Variants in HTR1D observed in about 807,000 individuals in gnomAD.
HTR1D encodes 5-HT-1D.
A neutral mutation model predicts 21.1 loss-of-function variants in HTR1D; 18 were observed. The observed-to-expected ratio is 0.85, with a 90% CI of 0.59 to 1.27. The LOEUF is 1.27. Ranked by LOEUF, HTR1D falls within the 50% of genes most tolerant of loss-of-function variation. HTR1D has a pLI of 0.00. For synonymous variants in HTR1D, 196 were observed against 204.4 expected, an observed-to-expected ratio of 0.96 and a Z score of 0.35; for missense variants, 456 against 481.4, an observed-to-expected ratio of 0.95 and a Z score of 0.49.
At chr1:23,203,057 G>A (rs756126584) in intron 1 of HTR1D, among the ~76,000 whole-genome samples, 65 of 151,950 alleles carry the variant, frequency 4.3e-4, no homozygotes, top group Non-Finnish European at 7.1e-4. Flanking sequence ...CGGCCACCAC[G>A]CCTGGCTAAT....
At chr1:23,213,574 C>T (rs1271208519) in intron 1 of HTR1D, among the ~76,000 whole-genome samples, 1 of 152,184 alleles carries the variant, frequency 6.6e-6, no homozygotes. Context: ...ACCTTTCACT[C>T]CCCTACACAT....
chr1:23,213,994 C>T (rs895792642), intron 1 of HTR1D, among the ~76,000 whole-genome samples: 2 of 152,220 alleles, frequency 1.3e-5, no homozygotes, highest in African/African-American at 4.8e-5. Context: ...TTGCCTACTG[C>T]TGGAAGTTCC....
intron 1 of HTR1D, among the ~76,000 whole-genome samples, chr1:23,204,692 G>A (rs570659224): frequency 3.9e-5 from 6 of 152,228 alleles, no homozygotes; most frequent in Admixed American, 3.3e-4. Flanking sequence ...AGTGCCAAAT[G>A]TAGTCCTCTA....
rs751289852 is a variant in HTR1D, at chr1:23,191,906, T to G, written c.*1180A>C. ...CCCAAAGACATTACTGGCCATGATG[T>G]CTCATGCTTTTTATTTGATAAGACT... On this transcript the variant is annotated 3_prime_UTR_variant, in exon 2 of 2. Coordinates refer to ENST00000374619, the MANE Select transcript of HTR1D (RefSeq NM_000864.5). 1 of 152,008 alleles carries G rather than the reference T, an allele frequency of 6.6e-6. No homozygotes were observed. The highest frequency in any genetic ancestry group is 2.4e-5 in the African/African-American group (1 of 41,358). The allele number at this position is 152,008 out of a possible 1,614,324, so 9.4% of individuals were successfully genotyped here. A position where few individuals can be genotyped will look rare whatever the true frequency, so the allele number is the denominator to read the frequency against.
Position 23,193,100 on chromosome 1 carries a change from G to C in HTR1D, c.1120C>G (p.Arg374Gly), listed in dbSNP as rs147605856. ...RQAFQKIVPF[R>G]KAS is the part of the protein sequence containing the mutation. ...ACCGAATAAGACTAGGAGGCCTTCC[G>C]GAAAGGGACAATTTTCTGAAAAGCT... is the stretch of plus-strand genomic sequence containing the variant. Residue 374 changes from arginine (R) to glycine (G), a missense_variant, in exon 2 of 2, where the codon CGG becomes GGG. By Grantham distance (125) the Arg-to-Gly change is moderately radical (BLOSUM62 -2). Transcript: ENST00000374619. 6.2e-7 allele frequency: 1 copy of C among 1,607,952 alleles called. No individual in the cohort carries two copies. Among genetic ancestry groups the C allele is most frequent in the East Asian group, 2.2e-5 (1 of 44,808 alleles).
chr1:23,194,081 C>A lies in HTR1D; in HGVS notation c.139G>T (p.Val47Phe). Reference sequence around the variant, plus strand: ...GAGAGGACTGTGGCCAGTGTGATGACGGAAAGGACCACGGCAAGGGAGATC... The same window carrying A: ...GAGAGGACTGTGGCCAGTGTGATGAAGGAAAGGACCACGGCAAGGGAGATC... ...LKISLAVVLS[V>F]ITLATVLSNA... Residue 47 changes from valine (V) to phenylalanine (F), a missense_variant, in exon 2 of 2, where the codon GTC becomes TTC. Coordinates refer to ENST00000374619, the MANE Select transcript of HTR1D (RefSeq NM_000864.5). 6.2e-7 allele frequency: 1 copy of A among 1,614,098 alleles called. No individual in the cohort carries two copies. Among genetic ancestry groups the A allele is most frequent in the Middle Eastern group, 1.6e-4 (1 of 6,062 alleles).
chr1:23,210,963 C>T (rs1206453173), intron 1 of HTR1D, among the ~76,000 whole-genome samples: 1 of 152,126 alleles, frequency 6.6e-6, no homozygotes, highest in Non-Finnish European at 1.5e-5. Flanking sequence ...ACTGGATAAA[C>T]AAGGTACTAA....
In HTR1D at chr1:23,193,736, C is replaced by T. The variant is rs1557718109; in HGVS notation, c.484G>A (p.Val162Ile). 2 of 1,614,148 alleles carry T rather than the reference C, an allele frequency of 1.2e-6. No individual in the cohort carries two copies. Among genetic ancestry groups the T allele is most frequent in the African/African-American group, 2.7e-5 (2 of 75,054 alleles). ...AGHAATMIAI[V>I]WAISICISIP... ...GAGATGCAGATGGAGATGGCCCAGA[C>T]AATGGCGATCATGGTGGCCGCGTGG... is the stretch of plus-strand genomic sequence containing the variant. Residue 162 changes from valine (V) to isoleucine (I), a missense_variant, in exon 2 of 2, where the codon GTC (valine) becomes ATC (isoleucine). Coordinates refer to ENST00000374619, the MANE Select transcript of HTR1D (RefSeq NM_000864.5).
chr1:23,202,253 C>A (rs1257578834), intron 1 of HTR1D, among the ~76,000 whole-genome samples: 2 of 151,968 alleles, frequency 1.3e-5, no homozygotes, highest in African/African-American at 2.4e-5. Flanking sequence ...TGCACCACCA[C>A]AACCGACTAA....
rs1644667084 is a variant in HTR1D, at chr1:23,193,230, G to A, written c.990C>T (p.Ser330=). ...CAAAGAGCGCCGGGTGGATCCAGCA[G>A]GAGTCCCGGCAGATGGGGAGGACCA... ...VSLVLPICRD[S]CWIHPALFDF... is the part of the protein sequence containing the mutation. Residue 330 remains serine, a synonymous_variant, in exon 2 of 2, where the codon TCC becomes TCT. Coordinates refer to ENST00000374619, the MANE Select transcript of HTR1D (RefSeq NM_000864.5). 1.2e-6 allele frequency: 2 copies of A among 1,614,074 alleles called. No individual in the cohort carries two copies. The highest frequency in any genetic ancestry group is 1.7e-5 in the Admixed American group (1 of 59,990).
At chr1:23,210,216 TACAGGTATGTGCCACCA>T (rs1644748618) in intron 1 of HTR1D, among the ~76,000 whole-genome samples, 1 of 152,216 alleles carries the variant, frequency 6.6e-6, no homozygotes, top group Admixed American at 6.5e-5. Context: ...TAGCTGGGAC[TACAGGTATGTGCCACCA>T]TGCCCGGCTA....
chr1:23,209,783 G>A (rs972113509), intron 1 of HTR1D, among the ~76,000 whole-genome samples: 26 of 152,046 alleles, frequency 1.7e-4, no homozygotes, highest in African/African-American at 5.8e-4. Context: ...GGGCTTGCCC[G>A]ACTCCATGCT....
In HTR1D at chr1:23,217,472, G is replaced by A. The variant is rs1033271248; in HGVS notation, c.-964C>T. On this transcript the variant is annotated 5_prime_UTR_variant, in exon 1 of 2. Transcript: ENST00000374619. This position sits in a 1 kb window ranked among gnomAD's most constrained non-coding sequence, Gnocchi z 4.6. Reference sequence around the variant, plus strand: ...CCCTCGCGATCCCGCACCTGCCTCCGCCTCTCCCAGAGCCCTGCGGCTCCT... The same window carrying A: ...CCCTCGCGATCCCGCACCTGCCTCCACCTCTCCCAGAGCCCTGCGGCTCCT... Among the ~76,000 whole-genome samples, 7 of 151,884 alleles carry A rather than the reference G, an allele frequency of 4.6e-5. No homozygotes were observed. The highest frequency in any genetic ancestry group is 1.7e-4 in the African/African-American group (7 of 41,370).
intron 1 of HTR1D, among the ~76,000 whole-genome samples, chr1:23,195,921 T>C (rs1185426199): frequency 6.6e-6 from 1 of 152,116 alleles, no homozygotes; most frequent in African/African-American, 2.4e-5. Context: ...CTCGACCTCC[T>C]GGATCAAGTG....
chr1:23,208,576 G>GA (rs200416458), intron 1 of HTR1D, among the ~76,000 whole-genome samples: 33 of 98,222 alleles, frequency 3.4e-4, no homozygotes, highest in African/African-American at 8.3e-4. Flanking sequence ...CATCTCAAAA[G>GA]AAAAAAAAAA....
chr1:23,198,307 A>C (rs1379452199), intron 1 of HTR1D, among the ~76,000 whole-genome samples: 1 of 146,626 alleles, frequency 6.8e-6, no homozygotes, highest in African/African-American at 2.5e-5. Context: ...CGGAGCTTGC[A>C]GTGAGCCGAG....
intron 1 of HTR1D, among the ~76,000 whole-genome samples, chr1:23,212,479 T>G (rs538772237): frequency 9.2e-5 from 14 of 152,298 alleles, no homozygotes; most frequent in Admixed American, 6.5e-4. Context: ...TCTGCCCAAG[T>G]GGAGCCAGCC....
chr1:23,193,137 T>A lies in HTR1D; in HGVS notation c.1083A>T (p.Glu361Asp). 6.2e-7 allele frequency: 1 copy of A among 1,612,106 alleles called. No individual in the cohort carries two copies. The highest frequency in any genetic ancestry group is 8.5e-7 in the Non-Finnish European group (1 of 1,179,354). ...INPIIYTVFN[E>D]EFRQAFQKIV... Reference sequence around the variant, plus strand: ...TTTTCTGAAAAGCTTGCCGAAACTCTTCATTAAACACAGTGTAGATTATTG... The same window carrying A: ...TTTTCTGAAAAGCTTGCCGAAACTCATCATTAAACACAGTGTAGATTATTG... The change falls in exon 2 of 2, where the codon GAA becomes GAT. Residue 361 changes from glutamate to aspartate, a missense_variant. Physicochemically the swap from Glu to Asp is conservative, Grantham distance 45. Coordinates refer to ENST00000374619, the MANE Select transcript of HTR1D (RefSeq NM_000864.5).
chr1:23,194,884 T>C lies in HTR1D; in HGVS notation c.-665A>G, dbSNP rs1006899621. 1.3e-5 allele frequency among the ~76,000 whole-genome samples: 2 copies of C among 152,128 alleles called. No individual in the cohort carries two copies. The highest frequency in any genetic ancestry group is 4.8e-5 in the African/African-American group (2 of 41,422). On this transcript the variant is annotated 5_prime_UTR_variant, in exon 2 of 2. It removes the in-frame stop codon of an upstream open reading frame in the 5' UTR. Coordinates refer to ENST00000374619, the MANE Select transcript of HTR1D (RefSeq NM_000864.5). ...TTCGGTTCCTATCCCACTGATCGTT[T>C]TAGAGCCTGAACAGACAAAACATCC...
Sources: allele counts gnomAD v4.1 joint callset (sites outside exome capture counted in the v4.1 genomes callset), GRCh38; gene constraint gnomAD v4.1.1; non-coding constraint Gnocchi (gnomAD v3.1); transcripts MANE v1.5; gene names NCBI Gene and HGNC (gene_info 2026-07-23, HGNC 2026-07-21).